Variants in PEX14 observed in about 807,000 individuals in gnomAD.
PEX14 encodes the protein peroxisomal biogenesis factor 14.
Under a neutral mutation model 49.5 loss-of-function variants are expected in PEX14, and 15 were observed. The observed-to-expected ratio is 0.30, with a 90% CI of 0.20 to 0.47. The LOEUF (loss-of-function observed/expected upper bound fraction) is 0.47. Ranked by LOEUF, PEX14 falls within the 20% of genes least tolerant of loss-of-function variation. The probability of loss-of-function intolerance (pLI) is 1.00; values close to 1 mark genes in which losing one functional copy is unlikely to be tolerated. For synonymous variants in PEX14, 210 were observed against 212.7 expected (o/e 0.99, Z 0.11); for missense variants, 398 against 494.8 (o/e 0.80, Z 1.86).
At chr1:10,615,495 G>A (rs762661777) in intron 4 of PEX14, among the ~76,000 whole-genome samples, 3 of 152,240 alleles carry the variant, frequency 2.0e-5, no homozygotes, top group South Asian at 2.1e-4. Flanking sequence ...GAATCTCTGC[G>A]TTTGAATCGT....
chr1:10,626,227 A>G (rs1641741016), intron 7 of PEX14, among the ~76,000 whole-genome samples: 1 of 152,204 alleles, frequency 6.6e-6, no homozygotes, highest in African/African-American at 2.4e-5. Flanking sequence ...GCGTTTGGAA[A>G]TCTGAGTCCC....
At chr1:10,548,572 T>C (rs1251034140) in intron 3 of PEX14, among the ~76,000 whole-genome samples, 1 of 152,236 alleles carries the variant, frequency 6.6e-6, no homozygotes, top group African/African-American at 2.4e-5. Context: ...TAAGTTTATC[T>C]GTTGGGGGGT....
At chr1:10,534,005 G>A (rs1638725290) in intron 2 of PEX14, among the ~76,000 whole-genome samples, 1 of 152,152 alleles carries the variant, frequency 6.6e-6, no homozygotes. Context: ...GTGTTCCAGT[G>A]GTGGGATTCT....
Position 10,590,194 on chromosome 1 carries a change from C to T in PEX14, c.170-9044C>T, listed in dbSNP as rs550306613. 2.2e-3 allele frequency among the ~76,000 whole-genome samples: 334 copies of T among 152,228 alleles called. 1 individual carries two copies. The highest frequency in any genetic ancestry group is 7.3e-3 in the African/African-American group (305 of 41,552). On this transcript the variant is annotated intron_variant, in intron 3 of 8. Coordinates refer to ENST00000356607, the MANE Select transcript of PEX14 (RefSeq NM_004565.3). Reference sequence around the variant, plus strand: ...GCACTGCTCGGAGGTGCCACAAAACCGTGAGCCTGCAAACAGAACCGTGAG... The same window carrying T: ...GCACTGCTCGGAGGTGCCACAAAACTGTGAGCCTGCAAACAGAACCGTGAG...
chr1:10,579,695 T>C (rs1029475659), intron 3 of PEX14, among the ~76,000 whole-genome samples: 8 of 152,124 alleles, frequency 5.3e-5, no homozygotes, highest in African/African-American at 1.9e-4. Flanking sequence ...AGAGGTTAAC[T>C]TCCCGATGTT....
chr1:10,598,932 G>A (rs1036608963), intron 3 of PEX14, among the ~76,000 whole-genome samples: 1 of 151,536 alleles, frequency 6.6e-6, no homozygotes, highest in African/African-American at 2.4e-5. Context: ...GCAGTTGATG[G>A]TATCTGTTTT....
rs114406090 is a variant in PEX14 at position 10,561,848 on chromosome 1, C to T, written c.169+25551C>T. Among the ~76,000 whole-genome samples, 840 of 151,874 alleles carry T rather than the reference C, an allele frequency of 5.5e-3. 7 individuals carry two copies. Among genetic ancestry groups the T allele is most frequent in the African/African-American group, 0.019 (793 of 41,386 alleles). Reference sequence around the variant, plus strand: ...TCTGTAAAGAGCTCTCTCCTCTTTCCTCTTCTGTTTCTTTCTCTTCTCACT... The same window carrying T: ...TCTGTAAAGAGCTCTCTCCTCTTTCTTCTTCTGTTTCTTTCTCTTCTCACT... On this transcript the variant is annotated intron_variant, in intron 3 of 8. Transcript: ENST00000356607.
chr1:10,503,622 T>A (rs750025030), intron 2 of PEX14, among the ~76,000 whole-genome samples: 53 of 151,042 alleles, frequency 3.5e-4, no homozygotes, highest in Middle Eastern at 6.8e-3. Context: ...AGGTATTCCA[T>A]GCGGCAAACT....
At chr1:10,498,551 A>G (rs1207901020) in intron 2 of PEX14, among the ~76,000 whole-genome samples, 3 of 152,204 alleles carry the variant, frequency 2.0e-5, no homozygotes, top group Non-Finnish European at 4.4e-5. Context: ...TTTGTAGCCA[A>G]ATCCTGGCCT....
rs924626120 is a variant in PEX14 at position 10,485,841 on chromosome 1, C to T, written c.37-9433C>T. Among the ~76,000 whole-genome samples the T allele has an allele frequency of 2.1e-4, 31 of 150,964 alleles. 1 individual carries two copies. Among genetic ancestry groups the T allele is most frequent in the Non-Finnish European group, 2.8e-4 (19 of 67,926 alleles). The stretch of plus-strand genomic sequence containing the variant: ...CGTGATCTTGGCGCACTGCAACCCC[C>T]GCCTCCTGGGTTCAAGCGATTCTCC... On this transcript the variant is annotated intron_variant, in intron 1 of 8. Transcript: ENST00000356607.
chr1:10,627,394 G>C (rs1641780716), intron 8 of PEX14, 31 bp downstream of exon 8: 1 of 1,479,270 alleles, frequency 6.8e-7, no homozygotes, highest in African/African-American at 1.4e-5. Context: ...CCCTGTTCTG[G>C]TCGGGCCTGG....
At chr1:10,518,468 G>A (rs1302186541) in intron 2 of PEX14, among the ~76,000 whole-genome samples, 1 of 152,112 alleles carries the variant, frequency 6.6e-6, no homozygotes. Context: ...CCTCTGTGAA[G>A]GGCTGAAAAA....
chr1:10,621,439 C>T (rs966857565), intron 5 of PEX14, among the ~76,000 whole-genome samples: 7 of 151,620 alleles, frequency 4.6e-5, no homozygotes, highest in East Asian at 3.9e-4. Context: ...CTCTGCCTCC[C>T]GGGTTCAAGC....
intron 1 of PEX14, among the ~76,000 whole-genome samples, chr1:10,485,131 T>C (rs1557805024): frequency 6.6e-6 from 1 of 151,608 alleles, no homozygotes; most frequent in Non-Finnish European, 1.5e-5. Context: ...TATTTGTGTA[T>C]GTGTAAGTGT....
At position 10,629,673 on chromosome 1, in the gene PEX14, T is replaced by C; in HGVS notation, c.820T>C (p.Ser274Pro). ...ISPVSNESTSSSPGKEGHSPE... is the reference protein window; with the variant it reads ...ISPVSNESTSPSPGKEGHSPE... The stretch of plus-strand genomic sequence containing the variant: ...ACCTGTCAGCAACGAGTCCACGTCG[T>C]CCTCGCCTGGGAAGGAGGGCCACAG... The change falls in exon 9 of 9, where the codon TCC (serine) becomes CCC (proline). Residue 274 changes from serine (S) to proline (P), a missense_variant. By Grantham distance (74) the Ser-to-Pro change is moderately conservative. Transcript: ENST00000356607. The surrounding 1 kb of genome is among the most constrained non-coding windows in gnomAD (Gnocchi z 8.5). 2 of 1,613,682 alleles carry C rather than the reference T, an allele frequency of 1.2e-6. No homozygotes were observed. The highest frequency in any genetic ancestry group is 2.2e-5 in the East Asian group (1 of 44,834).
At chr1:10,582,843 G>A (rs1050185122) in intron 3 of PEX14, among the ~76,000 whole-genome samples, 1 of 151,958 alleles carries the variant, frequency 6.6e-6, no homozygotes, top group South Asian at 2.1e-4. Flanking sequence ...AATCAATTCT[G>A]CCACCCCAGC....
At chr1:10,477,639 A>G (rs942043463) in intron 1 of PEX14, among the ~76,000 whole-genome samples, 4 of 152,148 alleles carry the variant, frequency 2.6e-5, no homozygotes, top group South Asian at 2.1e-4. Flanking sequence ...TGTCATATCA[A>G]TCTCTGGTTT....
chr1:10,563,447 A>C lies in PEX14; in HGVS notation c.169+27150A>C, dbSNP rs1639710889. The stretch of plus-strand genomic sequence containing the variant: ...AAACCCCATCTCTACTAAAAATACA[A>C]AATTTTTGCATTTTTGTATTTGTAT... On this transcript the variant is annotated intron_variant, in intron 3 of 8. Coordinates refer to ENST00000356607, the MANE Select transcript of PEX14 (RefSeq NM_004565.3). Among the ~76,000 whole-genome samples, 4 of 151,376 alleles carry C rather than the reference A, an allele frequency of 2.6e-5. 1 individual carries two copies. The South Asian group carries it at 8.4e-4, about 32-fold the overall frequency.
At chr1:10,622,515 T>C (rs1305408998) in intron 5 of PEX14, among the ~76,000 whole-genome samples, 1 of 152,236 alleles carries the variant, frequency 6.6e-6, no homozygotes, top group African/African-American at 2.4e-5. Context: ...AGCGATGTTT[T>C]GTTTATTAAT....
Sources: gnomAD v4.1 joint callset for allele counts (sites outside exome capture counted in the v4.1 genomes callset) on GRCh38, gnomAD v4.1.1 for gene constraint, Gnocchi (gnomAD v3.1) non-coding constraint, MANE v1.5 for transcripts, NCBI Gene and HGNC (gene_info 2026-07-23, HGNC 2026-07-21) for gene names.